MDM1: variants seen among roughly 807,000 people sequenced by gnomAD.
MDM1 encodes the protein Mdm1 nuclear protein.
A neutral mutation model predicts 89.1 loss-of-function variants in MDM1; 61 were observed. The ratio of observed to expected loss-of-function variants is 0.68; its 90% CI spans 0.56 to 0.85. The LOEUF (loss-of-function observed/expected upper bound fraction) is 0.85. MDM1 is among the 40% of genes least tolerant of loss of function. The pLI is 0.00. For missense variants in MDM1, 820 were observed against 846.5 expected (o/e 0.97, Z 0.39); for synonymous variants, 290 against 294.1 (o/e 0.99, Z 0.14).
chr12:68,300,649 C>T (rs115563990), intron 13 of MDM1, among the ~76,000 whole-genome samples: 27,970 of 152,062 alleles, frequency 0.18, 2,941 homozygotes, highest in Admixed American at 0.26. Flanking sequence ...CACTGGAGTT[C>T]CCACATTTAT....
chr12:68,331,157 G>A lies in MDM1; in HGVS notation c.83C>T (p.Ser28Phe), dbSNP rs763074258. The A allele has an allele frequency of 3.7e-6, 6 of 1,612,148 alleles. No homozygotes were observed. The Admixed American group carries it at 1.0e-4, about 27-fold the overall frequency. ...KKSYLSESCN[S>F]SVGRKYPWAG... ...CCATGGGTACTTTCGCCCCACGGAG[G>A]AATTACAAGACTCGGACAAATAAGA... Residue 28 changes from serine (S) to phenylalanine (F), a missense_variant, in exon 2 of 15, where the codon TCC (serine) becomes TTC (phenylalanine). Coordinates refer to ENST00000682720, the MANE Select transcript of MDM1 (RefSeq NM_001354969.2).
chr12:68,296,912 T>G lies in MDM1; in HGVS notation c.2062+11A>C, dbSNP rs776181008. ...AACTCAAACTTTTATGTTATGTGAC[T>G]ACTGAAATACCTTCATCATTAAAGG... is the stretch of plus-strand genomic sequence containing the variant. On this transcript the variant is annotated intron_variant, in intron 14 of 14. Transcript: ENST00000682720. 5.3e-5 allele frequency: 84 copies of G among 1,574,446 alleles called. No homozygotes were observed. Among genetic ancestry groups the G allele is most frequent in the Non-Finnish European group, 6.8e-5 (79 of 1,161,688 alleles).
At position 68,315,154 on chromosome 12, in the gene MDM1, C is replaced by T; in HGVS notation, c.1323G>A (p.Val441=). Residue 441 remains valine, a synonymous_variant, in exon 10 of 15, where the codon GTG becomes GTA. Transcript: ENST00000682720. ...PQKNTTEKLG[V]SAPTIPVRRR... The stretch of plus-strand genomic sequence containing the variant: ...TTCTAACGGGTATGGTGGGAGCTGA[C>T]ACACCCAATTTCTCCGTGGTATTTT... 1 of 1,614,196 alleles carries T rather than the reference C, an allele frequency of 6.2e-7. No homozygotes were observed. The highest frequency in any genetic ancestry group is 8.5e-7 in the Non-Finnish European group (1 of 1,180,032).
At chr12:68,313,969 T>C (rs1232048005) in intron 10 of MDM1, among the ~76,000 whole-genome samples, 1 of 151,878 alleles carries the variant, frequency 6.6e-6, no homozygotes, top group Non-Finnish European at 1.5e-5. Flanking sequence ...CCATCTCTAC[T>C]AAAAACACAA....
At chr12:68,310,358 G>A (rs189146069) in intron 12 of MDM1, among the ~76,000 whole-genome samples, 1 of 152,298 alleles carries the variant, frequency 6.6e-6, no homozygotes, top group Admixed American at 6.5e-5. Context: ...AACATTCTAA[G>A]GGATGATATT....
At chr12:68,331,921 T>A in intron 1 of MDM1, 1 of 664,182 alleles carries the variant, frequency 1.5e-6, no homozygotes, top group Non-Finnish European at 2.8e-6. Flanking sequence ...CAATCTGAAG[T>A]CGCCTTTAGT....
intron 12 of MDM1, among the ~76,000 whole-genome samples, chr12:68,304,759 A>G (rs1872655158): frequency 6.6e-6 from 1 of 152,204 alleles, no homozygotes; most frequent in Admixed American, 6.5e-5. Context: ...CAAAAGGCCA[A>G]TAGGCCTCAC....
In MDM1 at chr12:68,302,731, A is replaced by G; in HGVS notation, c.1891T>C (p.Tyr631His). The change falls in exon 13 of 15, where the codon TAC (tyrosine) becomes CAC (histidine). Residue 631 changes from tyrosine to histidine, a missense_variant. Physicochemically the swap from Tyr to His is moderately conservative, Grantham distance 83. Coordinates refer to ENST00000682720, the MANE Select transcript of MDM1 (RefSeq NM_001354969.2). ...AACTGTCCAGGGGGATTTGTTGGGT[A>G]TTTTGGAATTTTTGAAACTGGAAGA... ...ATLPVSKIPK[Y>H]PTNPPGQLPS... 1.2e-6 allele frequency: 2 copies of G among 1,614,104 alleles called. No individual in the cohort carries two copies. Among genetic ancestry groups the G allele is most frequent in the Non-Finnish European group, 1.7e-6 (2 of 1,180,000 alleles).
In MDM1 at chr12:68,308,151, A is replaced by G. The variant is rs368261758; in HGVS notation, c.1750-5279T>C. 9.3e-4 allele frequency among the ~76,000 whole-genome samples: 125 copies of G among 134,458 alleles called. No individual in the cohort carries two copies. In the East Asian group the frequency reaches 0.021, roughly 23 times the overall value. 88.2% of individuals were successfully genotyped at this position (134,458 alleles called of 152,430 possible). A position where few individuals can be genotyped will look rare whatever the true frequency, so the allele number is the denominator to read the frequency against. ...TCTTTTTTTTTTTTTTTTGAGATGG[A>G]GTCTCACTCTGTCGCCCAGGCTGGA... On this transcript the variant is annotated intron_variant, in intron 12 of 14. Coordinates refer to ENST00000682720, the MANE Select transcript of MDM1 (RefSeq NM_001354969.2).
intron 14 of MDM1, 52 bp from the exon 15 acceptor site, chr12:68,295,418 A>C (rs753194730): frequency 9.0e-7 from 1 of 1,108,898 alleles, no homozygotes; most frequent in African/African-American, 1.6e-5. Flanking sequence ...TATCTATTAA[A>C]TAAACATTGT....
intron 8 of MDM1, 100 bp downstream of exon 8, chr12:68,316,477 AATTC>A: frequency 2.9e-6 from 3 of 1,022,244 alleles, no homozygotes. Flanking sequence ...GGCAGGGAGA[AATTC>A]ATAGCAGCTA....
chr12:68,325,148 AT>A, intron 4 of MDM1: 1 of 1,013,210 alleles, frequency 9.9e-7, no homozygotes, highest in Non-Finnish European at 1.2e-6. Context: ...AAGTAAAAAA[AT>A]CTTGTAGCAT....
Position 68,321,383 on chromosome 12 carries a change from C to T in MDM1, c.969G>A (p.Gly323=). The T allele has an allele frequency of 1.9e-6, 3 of 1,613,766 alleles. No homozygotes were observed. The highest frequency in any genetic ancestry group is 2.5e-6 in the Non-Finnish European group (3 of 1,179,874). ...TGTTTCCCTTTACATGTGTCCAAGC[C>T]CCAGCTTTATATAAATACTGAGCTG... ...LSPAQYLYKA[G]AWTHVKGNMP... The change falls in exon 7 of 15, where the codon GGG becomes GGA. Residue 323 remains glycine, a synonymous_variant. Coordinates refer to ENST00000682720, the MANE Select transcript of MDM1 (RefSeq NM_001354969.2).
chr12:68,325,226 G>C (rs1875792908), intron 4 of MDM1: 2 of 1,160,120 alleles, frequency 1.7e-6, no homozygotes, highest in African/African-American at 1.6e-5. Flanking sequence ...TGCTGCATCT[G>C]GCAACAATGA....
chr12:68,315,429 T>C (rs887794909), intron 9 of MDM1, among the ~76,000 whole-genome samples, 164 bp from the exon 10 acceptor site: 1 of 152,212 alleles, frequency 6.6e-6, no homozygotes, highest in Non-Finnish European at 1.5e-5. Flanking sequence ...ATTCGTTTTA[T>C]AGCAAAATAA....
intron 8 of MDM1, 52 bp from the exon 9 acceptor site, chr12:68,316,305 A>G: frequency 6.5e-7 from 1 of 1,528,826 alleles, no homozygotes; most frequent in Admixed American, 2.0e-5. Flanking sequence ...TTCTTTACAA[A>G]CAGCACCAAG....
chr12:68,327,395 T>C, intron 2 of MDM1: 1 of 1,535,486 alleles, frequency 6.5e-7, no homozygotes, highest in East Asian at 2.4e-5. Flanking sequence ...CAATGGGCCC[T>C]GGTACTGTCA....
At chr12:68,311,048 A>T (rs115205698) in intron 12 of MDM1, among the ~76,000 whole-genome samples, 3,642 of 151,988 alleles carry the variant, frequency 0.024, 140 homozygotes, top group African/African-American at 0.081. Context: ...TCACCTCTGC[A>T]CTCTTCTCAA....
At chr12:68,305,918 C>CAA (rs201926650) in intron 12 of MDM1, among the ~76,000 whole-genome samples, 87 of 38,202 alleles carry the variant, frequency 2.3e-3, no homozygotes, top group African/African-American at 6.3e-3. Flanking sequence ...CATAAGGAAG[C>CAA]AAAAAAAAAA....
Sources: allele counts gnomAD v4.1 joint callset (sites outside exome capture counted in the v4.1 genomes callset), GRCh38; gene constraint gnomAD v4.1.1; transcripts MANE v1.5; gene names NCBI Gene and HGNC (gene_info 2026-07-23, HGNC 2026-07-21).